CABLES1: variants seen among roughly 807,000 people sequenced by gnomAD.
CABLES1 encodes Cdk5 and Abl enzyme substrate 1, also known as CDK5 and ABL1 enzyme substrate 1.
Under a neutral mutation model 57.8 loss-of-function variants are expected in CABLES1, and 36 were observed. That is an observed-to-expected ratio of 0.62 (90% confidence interval 0.48 to 0.82). CABLES1 has a LOEUF of 0.82. Ranked by LOEUF, CABLES1 falls within the 40% of genes least tolerant of loss-of-function variation. The probability of loss-of-function intolerance (pLI) is 0.00; values close to 1 mark genes in which losing one functional copy is unlikely to be tolerated. For missense variants in CABLES1, 767 were observed against 836.6 expected, an observed-to-expected ratio of 0.92 and a Z score of 1.03; for synonymous variants, 374 against 363.0, an observed-to-expected ratio of 1.03 and a Z score of -0.35.
chr18:23,232,971 TG>T (rs1468097337), intron 4 of CABLES1, among the ~76,000 whole-genome samples: 5 of 152,212 alleles, frequency 3.3e-5, no homozygotes, highest in Non-Finnish European at 7.3e-5. Context: ...TGTCTTTGGC[TG>T]GGAGCAATTT....
chr18:23,189,017 C>A, intron 2 of CABLES1, 108 bp downstream of exon 2: 1 of 710,300 alleles, frequency 1.4e-6, no homozygotes, highest in Non-Finnish European at 2.3e-6. Flanking sequence ...TAAAAATAAC[C>A]ATCTGAACTC....
intron 3 of CABLES1, among the ~76,000 whole-genome samples, chr18:23,202,546 G>A (rs1174813959): frequency 6.6e-6 from 1 of 152,176 alleles, no homozygotes; most frequent in Non-Finnish European, 1.5e-5. Flanking sequence ...GTGCCACAGT[G>A]GAGGCTAAAC....
intron 2 of CABLES1, among the ~76,000 whole-genome samples, chr18:23,191,906 T>TAAAAAAAAA (rs147984743): frequency 1.2e-5 from 1 of 82,620 alleles, no homozygotes; most frequent in African/African-American, 4.8e-5. Flanking sequence ...GTTGAATGCT[T>TAAAAAAAAA]AAAAAAAAAA....
chr18:23,189,611 G>C (rs2047226734), intron 2 of CABLES1, among the ~76,000 whole-genome samples: 1 of 152,222 alleles, frequency 6.6e-6, no homozygotes, highest in Non-Finnish European at 1.5e-5. Flanking sequence ...TGGGGCACAG[G>C]GGCTTCCCGG....
At chr18:23,211,003 G>A (rs908670325) in intron 3 of CABLES1, among the ~76,000 whole-genome samples, 14 of 151,908 alleles carry the variant, frequency 9.2e-5, no homozygotes, top group East Asian at 1.9e-4. Flanking sequence ...TGACCTATGC[G>A]GTAAAATAAC....
At chr18:23,168,317 G>A (rs1422334323) in intron 1 of CABLES1, among the ~76,000 whole-genome samples, 1 of 152,210 alleles carries the variant, frequency 6.6e-6, no homozygotes, top group Non-Finnish European at 1.5e-5. Flanking sequence ...ATGCAGCAAC[G>A]CAGATGAACC....
rs1332482478 is a variant in CABLES1, at chr18:23,258,591, C to T, written c.*1224C>T. On this transcript the variant is annotated 3_prime_UTR_variant, in exon 10 of 10. Coordinates refer to ENST00000256925, the MANE Select transcript of CABLES1 (RefSeq NM_001100619.3). ...CAAGAGAGAGGCACCAGCTGAAGTT[C>T]CCCTGACTGAAGAGAGCCTGTGGCC... 2.0e-5 allele frequency: 3 copies of T among 152,234 alleles called. No homozygotes were observed. Among genetic ancestry groups the T allele is most frequent in the African/African-American group, 7.2e-5 (3 of 41,450 alleles). 9.4% of individuals were successfully genotyped at this position (152,234 alleles called of 1,614,324 possible).
intron 1 of CABLES1, among the ~76,000 whole-genome samples, chr18:23,139,974 C>T (rs1166543114): frequency 1.3e-5 from 2 of 152,184 alleles, no homozygotes; most frequent in Admixed American, 6.5e-5. Context: ...GTTTGCATCC[C>T]CTAGCTTTGC....
intron 1 of CABLES1, among the ~76,000 whole-genome samples, chr18:23,138,622 G>A (rs577376773): frequency 2.0e-5 from 3 of 152,184 alleles, no homozygotes; most frequent in Non-Finnish European, 2.9e-5. Context: ...ACACCACGCC[G>A]CTTGTCTTAT....
intron 2 of CABLES1, among the ~76,000 whole-genome samples, chr18:23,190,769 CT>C (rs1178398937): frequency 1.3e-5 from 2 of 152,020 alleles, no homozygotes; most frequent in Admixed American, 6.6e-5. Context: ...ACTAAAGGAC[CT>C]TTTTTTGATT....
rs561745007 is a variant in CABLES1 at position 23,162,281 on chromosome 18, T to C, written c.845+25674T>C. On this transcript the variant is annotated intron_variant, in intron 1 of 9. Transcript: ENST00000256925. ...TACCAAGAAAACTTCAAGAAATTGT[T>C]CGTAAGAAAGTTTTTCTAGTATAGA... 9.8e-5 allele frequency among the ~76,000 whole-genome samples: 15 copies of C among 152,350 alleles called. No homozygotes were observed. The Middle Eastern group carries it at 0.014, about 138-fold the overall frequency.
chr18:23,230,751 A>G (rs1330314836), intron 4 of CABLES1, among the ~76,000 whole-genome samples: 2 of 152,176 alleles, frequency 1.3e-5, no homozygotes, highest in Non-Finnish European at 2.9e-5. Flanking sequence ...CTCACTTTTC[A>G]CTGGGCATTC....
chr18:23,206,283 C>G (rs894396286), intron 3 of CABLES1, among the ~76,000 whole-genome samples: 1 of 152,226 alleles, frequency 6.6e-6, no homozygotes, highest in Non-Finnish European at 1.5e-5. Context: ...GACTTCCCCA[C>G]AGGGCTCAGG....
intron 3 of CABLES1, among the ~76,000 whole-genome samples, chr18:23,210,810 G>T (rs898459717): frequency 2.0e-5 from 3 of 152,116 alleles, no homozygotes; most frequent in Admixed American, 6.5e-5. Context: ...CTCTGTGCGG[G>T]TCTCTGCTGT....
intron 7 of CABLES1, among the ~76,000 whole-genome samples, chr18:23,242,855 C>G (rs2047770211): frequency 6.6e-6 from 1 of 152,072 alleles, no homozygotes; most frequent in South Asian, 2.1e-4. Flanking sequence ...CTACATCTCC[C>G]CAGTGTTGGG....
At chr18:23,182,100 T>A (rs1406093143) in intron 1 of CABLES1, among the ~76,000 whole-genome samples, 1 of 152,190 alleles carries the variant, frequency 6.6e-6, no homozygotes, top group Admixed American at 6.5e-5. Flanking sequence ...AGAGAGGTGG[T>A]TGGCCCAGGT....
chr18:23,186,303 T>C (rs1266415414), intron 1 of CABLES1, among the ~76,000 whole-genome samples: 1 of 152,220 alleles, frequency 6.6e-6, no homozygotes, highest in East Asian at 1.9e-4. Context: ...TCCCATTCAT[T>C]AAGAACTGCC....
rs1385831170 is a variant in CABLES1 at position 23,237,122 on chromosome 18, A to AT, written c.1343-16dup. The stretch of plus-strand genomic sequence containing the variant: ...CCGGAGCCGCTAATTATCATTTTGC[A>AT]TTTTGCATGTGATCTTCAGGTAGTG... On this transcript the variant is annotated intron_variant, in intron 6 of 9. Coordinates refer to ENST00000256925, the MANE Select transcript of CABLES1 (RefSeq NM_001100619.3). 3 of 1,466,912 alleles carry AT rather than the reference A, an allele frequency of 2.0e-6. No individual in the cohort carries two copies. Among genetic ancestry groups the AT allele is most frequent in the Non-Finnish European group, 2.9e-6 (3 of 1,045,814 alleles). 90.9% of individuals were successfully genotyped at this position (1,466,912 alleles called of 1,614,324 possible). A position where few individuals can be genotyped will look rare whatever the true frequency, so the allele number is the denominator to read the frequency against.
In CABLES1 at chr18:23,239,701, A is replaced by C. The variant is rs560390473; in HGVS notation, c.1446+2456A>C. Among the ~76,000 whole-genome samples, 13 of 152,368 alleles carry C rather than the reference A, an allele frequency of 8.5e-5. No homozygotes were observed. In the South Asian group the frequency reaches 2.7e-3, roughly 32 times the overall value. ...TATTATGAGCCAAGCTTCCTTACCC[A>C]GTAGAGAACTAACCAGCCACAACCC... is the stretch of plus-strand genomic sequence containing the variant. On this transcript the variant is annotated intron_variant, in intron 7 of 9. Transcript: ENST00000256925.
Sources: allele counts gnomAD v4.1 joint callset (sites outside exome capture counted in the v4.1 genomes callset), GRCh38; gene constraint gnomAD v4.1.1; transcripts MANE v1.5; gene names NCBI Gene and HGNC (gene_info 2026-07-23, HGNC 2026-07-21).